Variants in HDAC8 observed in about 807,000 individuals in gnomAD.
HDAC8 encodes the protein histone deacetylase 8, also known as histone deacetylase-like 1.
A neutral mutation model predicts 32.2 loss-of-function variants in HDAC8; 1 was observed. That is an observed-to-expected ratio of 0.03 (90% CI 0.01 to 0.15). The LOEUF (loss-of-function observed/expected upper bound fraction) is 0.15, where lower values mean the gene tolerates loss of function less well. Among genes scored for constraint, HDAC8 ranks in the 10% least tolerant of loss-of-function variants. The pLI, the probability that HDAC8 is intolerant of heterozygous loss-of-function variation, is 1.00. For synonymous variants in HDAC8, 108 were observed against 113.9 expected, an observed-to-expected ratio of 0.95 and a Z score of 0.33; for missense variants, 117 against 300.0, an observed-to-expected ratio of 0.39 and a Z score of 4.51.
chrX:72,552,755 GAC>G (rs1291565461), intron 4 of HDAC8, among the ~76,000 whole-genome samples: 1 of 106,452 alleles, frequency 9.4e-6, no homozygotes, highest in Non-Finnish European at 1.9e-5. Context: ...CAGCCTAGGT[GAC>G]AGAGTGAAAC....
rs368582144 is a variant in HDAC8 at position 72,567,807 on chromosome X, C to T, written c.437+82G>A. Reference sequence around the variant, plus strand: ...TACACACACGTCTCTCTGTAAATGTCAATACAATAAGCATAAGAGTTTACA... The same window carrying T: ...TACACACACGTCTCTCTGTAAATGTTAATACAATAAGCATAAGAGTTTACA... On this transcript the variant is annotated intron_variant, in intron 4 of 10. Coordinates refer to ENST00000373573, the MANE Select transcript of HDAC8 (RefSeq NM_018486.3). 1,360 of 1,208,651 alleles carry T rather than the reference C, an allele frequency of 1.1e-3. 3 individuals are homozygous for T. The highest frequency in any genetic ancestry group is 1.6e-3 in the Middle Eastern group (7 of 4,372).
intron 9 of HDAC8, among the ~76,000 whole-genome samples, chrX:72,460,253 C>G (rs1232224198): frequency 9.0e-6 from 1 of 110,843 alleles, no homozygotes; most frequent in East Asian, 2.8e-4. Flanking sequence ...TCGCTTGCCT[C>G]AGCCTCCCGA....
At chrX:72,463,367 A>G (rs1318728799) in intron 8 of HDAC8, among the ~76,000 whole-genome samples, 1 of 112,115 alleles carries the variant, frequency 8.9e-6, no homozygotes, top group Non-Finnish European at 1.9e-5. Context: ...AAGAAGACTT[A>G]TATATTCAAA....
chrX:72,485,649 A>C (rs1432088216), intron 7 of HDAC8, among the ~76,000 whole-genome samples: 3 of 110,998 alleles, frequency 2.7e-5, no homozygotes, highest in Non-Finnish European at 5.7e-5. Flanking sequence ...AGGAAGGAAG[A>C]AAAGTAAAAG....
At chrX:72,525,029 C>A (rs1347828924) in intron 4 of HDAC8, among the ~76,000 whole-genome samples, 2 of 111,810 alleles carry the variant, frequency 1.8e-5, no homozygotes, top group Non-Finnish European at 3.8e-5. Flanking sequence ...AAACCTAGAT[C>A]CCTGGCATGC....
intron 4 of HDAC8, among the ~76,000 whole-genome samples, chrX:72,500,234 AT>A: frequency 8.9e-6 from 1 of 111,943 alleles, no homozygotes; most frequent in Non-Finnish European, 1.9e-5. Context: ...TACTGAAACT[AT>A]TCCAAAAAAT....
chrX:72,407,289 C>T (rs1270661220), intron 9 of HDAC8, among the ~76,000 whole-genome samples: 3 of 111,916 alleles, frequency 2.7e-5, no homozygotes, highest in African/African-American at 9.7e-5. Context: ...GAGTGTGCAC[C>T]GGGGTGAAGC....
chrX:72,348,885 C>T (rs2044099626), intron 10 of HDAC8, among the ~76,000 whole-genome samples: 1 of 111,723 alleles, frequency 9.0e-6, no homozygotes, highest in Admixed American at 9.5e-5. Flanking sequence ...ATACAGCATC[C>T]TAGAATCTTA....
intron 9 of HDAC8, among the ~76,000 whole-genome samples, chrX:72,400,671 A>G (rs1454874900): frequency 8.9e-6 from 1 of 112,534 alleles, no homozygotes; most frequent in Non-Finnish European, 1.9e-5. Context: ...TTCATAGTAT[A>G]CAATTCAATG....
chrX:72,558,236 T>A (rs182393395), intron 4 of HDAC8, among the ~76,000 whole-genome samples: 95 of 111,551 alleles, frequency 8.5e-4, no homozygotes, highest in African/African-American at 3.0e-3. Context: ...CCTAAATCAT[T>A]CTATGAAGCC....
chrX:72,490,027 G>A (rs1459849142), intron 6 of HDAC8, among the ~76,000 whole-genome samples: 1 of 111,805 alleles, frequency 8.9e-6, no homozygotes, highest in Non-Finnish European at 1.9e-5. Flanking sequence ...GGCCATCAGA[G>A]AAATGCAAAT....
chrX:72,556,180 T>A (rs1393163418), intron 4 of HDAC8, among the ~76,000 whole-genome samples: 2 of 111,774 alleles, frequency 1.8e-5, no homozygotes, highest in Non-Finnish European at 3.8e-5. Flanking sequence ...AAAGATATGG[T>A]CTTTTCCAGG....
intron 9 of HDAC8, 47 bp from the exon 10 acceptor site, chrX:72,351,885 A>G: frequency 3.2e-6 from 3 of 923,759 alleles, no homozygotes; most frequent in Non-Finnish European, 4.6e-6. Context: ...GCCACATAAA[A>G]CCTCCAAACC....
intron 4 of HDAC8, among the ~76,000 whole-genome samples, chrX:72,502,957 C>G (rs1031398161): frequency 9.0e-5 from 10 of 111,132 alleles, no homozygotes; most frequent in Admixed American, 1.9e-4. Flanking sequence ...GATATTTTGT[C>G]AAAAAAAATT....
chrX:72,345,662 C>T (rs930460096), intron 10 of HDAC8, among the ~76,000 whole-genome samples: 1 of 111,281 alleles, frequency 9.0e-6, no homozygotes, highest in African/African-American at 3.3e-5. Flanking sequence ...GGAGCAGTCT[C>T]CATTTTTATT....
At chrX:72,408,178 A>G (rs1173847987) in intron 9 of HDAC8, among the ~76,000 whole-genome samples, 2 of 111,870 alleles carry the variant, frequency 1.8e-5, no homozygotes, top group African/African-American at 6.5e-5. Context: ...ATAAATAAAA[A>G]ACATAATAAG....
chrX:72,381,679 A>G (rs188161000), intron 9 of HDAC8, among the ~76,000 whole-genome samples: 28 of 112,368 alleles, frequency 2.5e-4, no homozygotes, highest in Non-Finnish European at 4.7e-4. Context: ...CTGAAAGGGT[A>G]GCAACCCTGT....
At position 72,556,080 on chromosome X, in the gene HDAC8, G is replaced by A. The variant is rs192128445; in HGVS notation, c.437+11809C>T. Among the ~76,000 whole-genome samples the A allele has an allele frequency of 5.0e-4, 56 of 111,796 alleles. No homozygotes were observed. In the East Asian group the frequency reaches 0.016, roughly 31 times the overall value. ...AGCAGAAACCTTACAAGCTGGAAGG[G>A]ATTGGGGTCCTATTTTTAGCCTCCT... On this transcript the variant is annotated intron_variant, in intron 4 of 10. Coordinates refer to ENST00000373573, the MANE Select transcript of HDAC8 (RefSeq NM_018486.3).
At chrX:72,508,588 T>C (rs919447000) in intron 4 of HDAC8, among the ~76,000 whole-genome samples, 1 of 112,532 alleles carries the variant, frequency 8.9e-6, no homozygotes, top group African/African-American at 3.2e-5. Context: ...GAAGCCTTTT[T>C]GGAGCTGATT....
Sources: gnomAD v4.1 joint callset for allele counts (sites outside exome capture counted in the v4.1 genomes callset) on GRCh38, gnomAD v4.1.1 for gene constraint, MANE v1.5 for transcripts, NCBI Gene and HGNC (gene_info 2026-07-23, HGNC 2026-07-21) for gene names.